Variants in WLS observed in about 807,000 individuals in gnomAD.
The protein encoded by WLS is protein wntless homolog.
In WLS, 23 loss-of-function variants were observed where a neutral mutation model predicts 62.8. The ratio of observed to expected loss-of-function variants is 0.37; its 90% CI spans 0.26 to 0.52. The LOEUF is 0.52. Ranked by LOEUF, WLS falls within the 20% of genes least tolerant of loss-of-function variation. WLS has a pLI of 0.92. For synonymous variants in WLS, 246 were observed against 244.1 expected, an observed-to-expected ratio of 1.01 and a Z score of -0.07; for missense variants, 615 against 697.3, an observed-to-expected ratio of 0.88 and a Z score of 1.33.
intron 2 of WLS, among the ~76,000 whole-genome samples, chr1:68,159,500 ACT>A (rs146045241): frequency 0.039 from 5,919 of 152,040 alleles, 136 homozygotes; most frequent in Middle Eastern, 0.095. Context: ...CAGGGGCCTC[ACT>A]CTCTCTGAGG....
At chr1:68,231,579 A>C in intron 1 of WLS, 2 of 224,380 alleles carry the variant, frequency 8.9e-6, no homozygotes, top group South Asian at 4.4e-5. Context: ...CCCGGCCGAC[A>C]ATTCGGACCT....
At chr1:68,179,635 A>G (rs145265806) in intron 2 of WLS, among the ~76,000 whole-genome samples, 5 of 152,354 alleles carry the variant, frequency 3.3e-5, no homozygotes, top group African/African-American at 1.2e-4. Flanking sequence ...AGGAAAATCA[A>G]GGGCAGAAAA....
chr1:68,109,694 A>G (rs1301457483), intron 11 of WLS, among the ~76,000 whole-genome samples: 1 of 152,128 alleles, frequency 6.6e-6, no homozygotes, highest in Non-Finnish European at 1.5e-5. Flanking sequence ...CAGGAAAAAA[A>G]GATTATAAAT....
At chr1:68,178,930 A>C (rs916831767) in intron 2 of WLS, among the ~76,000 whole-genome samples, 1 of 152,304 alleles carries the variant, frequency 6.6e-6, no homozygotes, top group African/African-American at 2.4e-5. Context: ...CCATCCCATC[A>C]TGAAACTCTT....
downstream of WLS, among the ~76,000 whole-genome samples, chr1:68,124,510 A>AAGTC: frequency 6.6e-6 from 1 of 152,118 alleles, no homozygotes; most frequent in African/African-American, 2.4e-5. Flanking sequence ...AGGTCTATCT[A>AAGTC]AAGTCCTTTT....
chr1:68,230,654 G>C (rs996400048), intron 1 of WLS, among the ~76,000 whole-genome samples: 2 of 151,932 alleles, frequency 1.3e-5, no homozygotes, highest in African/African-American at 4.8e-5. Context: ...GAAGCTGTTT[G>C]GCCCACACTG....
chr1:68,119,810 C>A, intron 11 of WLS, among the ~76,000 whole-genome samples: 1 of 152,342 alleles, frequency 6.6e-6, no homozygotes, highest in South Asian at 2.1e-4. Flanking sequence ...CTGCCCACTC[C>A]GTGTAAAGAA....
At chr1:68,231,589 T>C (rs1571051453) in intron 1 of WLS, 6 of 221,552 alleles carry the variant, frequency 2.7e-5, no homozygotes, top group East Asian at 1.6e-4. Context: ...AATTCGGACC[T>C]GTCCACGGCA....
At chr1:68,221,618 T>C (rs999963991) in intron 1 of WLS, among the ~76,000 whole-genome samples, 1 of 152,018 alleles carries the variant, frequency 6.6e-6, no homozygotes. Context: ...GTAAAAGAAA[T>C]AGAACCTCAA....
At chr1:68,225,410 A>G (rs1287511379) in intron 1 of WLS, among the ~76,000 whole-genome samples, 1 of 152,122 alleles carries the variant, frequency 6.6e-6, no homozygotes, top group Non-Finnish European at 1.5e-5. Flanking sequence ...AGAACTGTGC[A>G]GAGCTGGCAC....
chr1:68,170,160 C>CTTTTTTTCTTTTTTTTTTTTTTTTTTTT (rs1553131191), intron 2 of WLS, among the ~76,000 whole-genome samples: 1 of 86,752 alleles, frequency 1.2e-5, no homozygotes, highest in African/African-American at 4.3e-5. Flanking sequence ...GCTACTATTT[C>CTTTTTTTCTTTTTTTTTTTTTTTTTTTT]TTTTTTTTTT....
intron 11 of WLS, among the ~76,000 whole-genome samples, chr1:68,119,827 C>G (rs1646341779): frequency 1.3e-5 from 2 of 152,214 alleles, no homozygotes; most frequent in Non-Finnish European, 2.9e-5. Flanking sequence ...AGAACATCAG[C>G]CAAGCATGGT....
intron 1 of WLS, among the ~76,000 whole-genome samples, chr1:68,203,627 T>A (rs1390039030): frequency 6.6e-6 from 1 of 152,262 alleles, no homozygotes; most frequent in Non-Finnish European, 1.5e-5. Context: ...GTCTTGGTTA[T>A]GACTTCATAT....
chr1:68,116,397 C>A (rs374549458), intron 11 of WLS, among the ~76,000 whole-genome samples: 1 of 152,210 alleles, frequency 6.6e-6, no homozygotes, highest in Non-Finnish European at 1.5e-5. Context: ...CTAATAATGG[C>A]TCCGTCTATA....
chr1:68,140,107 C>T (rs758266238), intron 10 of WLS, among the ~76,000 whole-genome samples: 4 of 152,136 alleles, frequency 2.6e-5, no homozygotes, highest in African/African-American at 4.8e-5. Flanking sequence ...TTACATGAAA[C>T]ACATTATTTA....
chr1:68,149,473 G>A (rs1646796727), intron 6 of WLS, among the ~76,000 whole-genome samples: 1 of 152,198 alleles, frequency 6.6e-6, no homozygotes, highest in Non-Finnish European at 1.5e-5. Flanking sequence ...AGCAGGACTT[G>A]AGAGGTCTGG....
intron 11 of WLS, among the ~76,000 whole-genome samples, chr1:68,108,222 A>C (rs1006987202): frequency 2.0e-5 from 3 of 152,186 alleles, no homozygotes; most frequent in African/African-American, 7.2e-5. Context: ...GGAACTCTGG[A>C]TGCCTGGTCC....
intron 3 of WLS, among the ~76,000 whole-genome samples, chr1:68,157,862 T>C (rs1343345042): frequency 6.6e-6 from 1 of 152,212 alleles, no homozygotes; most frequent in African/African-American, 2.4e-5. Flanking sequence ...CCCTTTTCTA[T>C]GGATAAAATT....
chr1:68,164,394 G>C (rs1277638093), intron 2 of WLS, among the ~76,000 whole-genome samples: 1 of 152,008 alleles, frequency 6.6e-6, no homozygotes, highest in African/African-American at 2.4e-5. Context: ...GAGTAGCTGG[G>C]ATTACAGGCG....
Sources: allele counts gnomAD v4.1 joint callset (sites outside exome capture counted in the v4.1 genomes callset), GRCh38; gene constraint gnomAD v4.1.1; transcripts MANE v1.5; gene names NCBI Gene and HGNC (gene_info 2026-07-23, HGNC 2026-07-21).